ARID5B: variants seen among roughly 807,000 people sequenced by gnomAD.
The protein encoded by ARID5B is AT-rich interaction domain 5B, also known as AT-rich interactive domain-containing protein 5B.
In ARID5B, 13 loss-of-function variants were observed where a neutral mutation model predicts 97.2. The ratio of observed to expected loss-of-function variants is 0.13; its 90% CI spans 0.09 to 0.21. The LOEUF (loss-of-function observed/expected upper bound fraction) is 0.21. Among genes scored for constraint, ARID5B ranks in the 10% least tolerant of loss-of-function variants. ARID5B has a pLI of 1.00. For missense variants in ARID5B, 1,210 were observed against 1,465.3 expected, an observed-to-expected ratio of 0.83 and a Z score of 2.84; for synonymous variants, 556 against 570.3, an observed-to-expected ratio of 0.97 and a Z score of 0.36.
At chr10:61,965,989 C>A (rs1483544102) in intron 3 of ARID5B, among the ~76,000 whole-genome samples, 2 of 152,136 alleles carry the variant, frequency 1.3e-5, no homozygotes, top group Non-Finnish European at 2.9e-5. Flanking sequence ...TAATCCTGTT[C>A]TAAATCATCC....
intron 3 of ARID5B, among the ~76,000 whole-genome samples, chr10:61,965,797 T>C (rs1261672726): frequency 6.6e-6 from 1 of 152,196 alleles, no homozygotes; most frequent in African/African-American, 2.4e-5. Flanking sequence ...CAGTCATTGA[T>C]GTTAAAATTA....
At chr10:62,073,970 C>A (rs144781723) in intron 8 of ARID5B, among the ~76,000 whole-genome samples, 12 of 152,284 alleles carry the variant, frequency 7.9e-5, no homozygotes, top group African/African-American at 2.6e-4. Flanking sequence ...AAAACGACTA[C>A]TTTTATGGAA....
At chr10:62,065,845 CAAAAAA>C (rs60296263) in intron 7 of ARID5B, among the ~76,000 whole-genome samples, 26 of 88,668 alleles carry the variant, frequency 2.9e-4, no homozygotes, top group African/African-American at 4.4e-5. Flanking sequence ...GACTCTGTCT[CAAAAAA>C]AAAAAAAAAA....
Position 62,019,514 on chromosome 10 carries a change from A to G in ARID5B, c.733+19193A>G, listed in dbSNP as rs80172633. Among the ~76,000 whole-genome samples the G allele has an allele frequency of 6.2e-3, 942 of 152,292 alleles. 17 individuals carry two copies. The highest frequency in any genetic ancestry group is 0.021 in the African/African-American group (866 of 41,554). ...ATTCAAGCTACTTTTACATGGATCT[A>G]TTTTGCTTCTGGCTAGTTCTTAACT... On this transcript the variant is annotated intron_variant, in intron 4 of 9. Transcript: ENST00000279873.
Position 62,092,289 on chromosome 10 carries a change from C to T in ARID5B, c.2826C>T (p.Val942=), listed in dbSNP as rs777964947. Residue 942 remains valine (V), a synonymous_variant, in exon 10 of 10, where the codon GTC becomes GTT. Transcript: ENST00000279873. ...GCAAAGGCATCTCCCAGTTCCAGGT[C>T]TTAGGCAGCCAGAGTCGAGACTGTC... is the stretch of plus-strand genomic sequence containing the variant. The part of the protein sequence containing the change: ...QESKGISQFQ[V]LGSQSRDCHP... The T allele has an allele frequency of 3.1e-6, 5 of 1,607,876 alleles. No individual in the cohort carries two copies. The African/African-American group carries it at 4.0e-5, about 13-fold the overall frequency.
chr10:62,071,138 C>T (rs1015703402), intron 8 of ARID5B, among the ~76,000 whole-genome samples: 13 of 149,904 alleles, frequency 8.7e-5, no homozygotes, highest in African/African-American at 3.0e-4. Context: ...CAGGTTCAAG[C>T]GATTCTCCTG....
chr10:62,031,897 C>G (rs1000293745), intron 4 of ARID5B, among the ~76,000 whole-genome samples: 1 of 152,102 alleles, frequency 6.6e-6, no homozygotes, highest in Admixed American at 6.5e-5. Flanking sequence ...AAAAATCATG[C>G]GAGCTAAACA....
At chr10:62,078,625 G>C (rs1840169325) in intron 8 of ARID5B, among the ~76,000 whole-genome samples, 2 of 152,164 alleles carry the variant, frequency 1.3e-5, no homozygotes. Flanking sequence ...ACCATGCATG[G>C]TCTGTGTTCA....
intron 3 of ARID5B, among the ~76,000 whole-genome samples, chr10:61,996,842 G>C (rs899756670): frequency 2.6e-5 from 4 of 150,970 alleles, no homozygotes; most frequent in Non-Finnish European, 5.9e-5. Flanking sequence ...TATGTACTGG[G>C]GGGTTAGGAG....
intron 3 of ARID5B, among the ~76,000 whole-genome samples, chr10:61,949,955 T>C (rs1838299593): frequency 6.6e-6 from 1 of 152,208 alleles, no homozygotes; most frequent in Admixed American, 6.5e-5. Context: ...TCTGTTTGCA[T>C]TTGGTGATAA....
intron 3 of ARID5B, among the ~76,000 whole-genome samples, chr10:61,986,814 C>T (rs1033165403): frequency 2.0e-5 from 3 of 152,156 alleles, no homozygotes; most frequent in African/African-American, 7.2e-5. Context: ...CAGACAAGTA[C>T]CTACGGGGCG....
intron 6 of ARID5B, 109 bp downstream of exon 6, chr10:62,057,427 T>C: frequency 8.9e-7 from 1 of 1,123,402 alleles, no homozygotes; most frequent in Non-Finnish European, 1.3e-6. Context: ...CTGGGGATAG[T>C]GCTCTCTGTT....
At chr10:62,055,011 A>G (rs375365669) in intron 5 of ARID5B, among the ~76,000 whole-genome samples, 9 of 152,182 alleles carry the variant, frequency 5.9e-5, no homozygotes, top group East Asian at 1.9e-4. Context: ...TAGGTGCTCA[A>G]TTGAAAACTG....
At chr10:62,016,528 G>A (rs1839286496) in intron 4 of ARID5B, among the ~76,000 whole-genome samples, 1 of 152,180 alleles carries the variant, frequency 6.6e-6, no homozygotes, top group African/African-American at 2.4e-5. Context: ...TTTTCAAAGT[G>A]ATGTTTGAGA....
rs557174226 is a variant in ARID5B at position 61,958,981 on chromosome 10, T to C, written c.502+18573T>C. ...CATAATTATGAAGACTGTCCAGGCC[T>C]ACAAATGGCTGCATTGGCAATGAAA... is the stretch of plus-strand genomic sequence containing the variant. On this transcript the variant is annotated intron_variant, in intron 3 of 9. Coordinates refer to ENST00000279873, the MANE Select transcript of ARID5B (RefSeq NM_032199.3). Among the ~76,000 whole-genome samples, 25 of 152,368 alleles carry C rather than the reference T, an allele frequency of 1.6e-4. No homozygotes were observed. The East Asian group carries it at 3.7e-3, about 22-fold the overall frequency.
intron 3 of ARID5B, among the ~76,000 whole-genome samples, chr10:61,990,950 T>C (rs2132855945): frequency 6.6e-6 from 1 of 152,046 alleles, no homozygotes; most frequent in East Asian, 1.9e-4. Flanking sequence ...ACCTAGCAAC[T>C]TCTATTCTAT....
At chr10:62,023,522 G>T (rs1839381859) in intron 4 of ARID5B, among the ~76,000 whole-genome samples, 1 of 152,210 alleles carries the variant, frequency 6.6e-6, no homozygotes, top group Non-Finnish European at 1.5e-5. Flanking sequence ...ATAAAGTACT[G>T]CAGAGCTGAA....
At position 61,902,422 on chromosome 10, in the gene ARID5B, C is replaced by T; in HGVS notation, c.276+9C>T. On this transcript the variant is annotated intron_variant, in intron 2 of 9. Transcript: ENST00000279873. ...ATAGCGACCATGGCGAGGTGGTAAACCTGTCTGTCCCCCTCTTCTTTCTTT... is the reference window on the plus strand; with the variant it reads ...ATAGCGACCATGGCGAGGTGGTAAATCTGTCTGTCCCCCTCTTCTTTCTTT... The T allele has an allele frequency of 6.2e-7, 1 of 1,612,334 alleles. No homozygotes were observed. The highest frequency in any genetic ancestry group is 8.5e-7 in the Non-Finnish European group (1 of 1,178,782).
chr10:62,047,972 G>A (rs1282076274), intron 4 of ARID5B, among the ~76,000 whole-genome samples: 1 of 152,178 alleles, frequency 6.6e-6, no homozygotes. Flanking sequence ...TCTTCAGGGT[G>A]TTTGTGCATT....
Sources: allele counts gnomAD v4.1 joint callset (sites outside exome capture counted in the v4.1 genomes callset), GRCh38; gene constraint gnomAD v4.1.1; transcripts MANE v1.5; gene names NCBI Gene and HGNC (gene_info 2026-07-23, HGNC 2026-07-21).